Variants in REV3L observed in about 807,000 individuals in gnomAD.
REV3L encodes the protein REV3 like, DNA directed polymerase zeta catalytic subunit, also known as DNA polymerase zeta catalytic subunit.
In REV3L, 69 loss-of-function variants were observed where a neutral mutation model predicts 299.4. That is an observed-to-expected ratio of 0.23 (90% CI 0.19 to 0.28). The LOEUF (loss-of-function observed/expected upper bound fraction) is 0.28, where lower values mean the gene tolerates loss of function less well. Among genes scored for constraint, REV3L ranks in the 10% least tolerant of loss-of-function variants. REV3L has a pLI of 1.00. For missense variants in REV3L, 3,128 were observed against 3,693.8 expected (o/e 0.85, Z 3.97); for synonymous variants, 1,238 against 1,271.4 (o/e 0.97, Z 0.56).
At chr6:111,413,265 T>C (rs1051266662) in intron 2 of REV3L, among the ~76,000 whole-genome samples, 2 of 152,140 alleles carry the variant, frequency 1.3e-5, no homozygotes, top group African/African-American at 4.8e-5. Flanking sequence ...GCCAAAAGAA[T>C]TCCTCATCAG....
intron 13 of REV3L, among the ~76,000 whole-genome samples, chr6:111,371,566 T>A (rs957200407): frequency 4.6e-5 from 7 of 151,480 alleles, no homozygotes; most frequent in Non-Finnish European, 8.8e-5. Context: ...ATCTTTTTTT[T>A]TTTTTTTTTC....
At chr6:111,320,566 TTG>T (rs1167295640) in intron 26 of REV3L, among the ~76,000 whole-genome samples, 1 of 152,242 alleles carries the variant, frequency 6.6e-6, no homozygotes, top group Non-Finnish European at 1.5e-5. Flanking sequence ...ACTGACTTTT[TTG>T]TGTCCTCCTT....
intron 23 of REV3L, among the ~76,000 whole-genome samples, chr6:111,332,220 T>C (rs760422897): frequency 3.2e-4 from 48 of 152,122 alleles, no homozygotes; most frequent in East Asian, 2.7e-3. Context: ...TACAGGTGCC[T>C]GCCACCATAC....
chr6:111,307,183 AAAC>A (rs1416833532), intron 31 of REV3L, among the ~76,000 whole-genome samples, 175 bp downstream of exon 31: 1 of 152,198 alleles, frequency 6.6e-6, no homozygotes, highest in South Asian at 2.1e-4. Context: ...ATAAATTATA[AAAC>A]AAACCATTAT....
chr6:111,392,891 T>C lies in REV3L; in HGVS notation c.647A>G (p.Gln216Arg). Residue 216 changes from glutamine to arginine, a missense_variant, in exon 5 of 32, where the codon CAA becomes CGA. Around this residue, in one of 9 missense-constraint regions of REV3L, gnomAD observed 2,409 missense variants for 2,611.8 expected, o/e 0.92. Transcript: ENST00000368802. ...SLADTLFRWE[Q>R]DEIPSSLILE... ...ATTAACTAACCTTGGTATTTCATCTTGTTCCCACCGAAATAAAGTATCAGC... is the reference window on the plus strand; with the variant it reads ...ATTAACTAACCTTGGTATTTCATCTCGTTCCCACCGAAATAAAGTATCAGC... 1 of 1,609,306 alleles carries C rather than the reference T, an allele frequency of 6.2e-7. No homozygotes were observed. The highest frequency in any genetic ancestry group is 8.5e-7 in the Non-Finnish European group (1 of 1,175,724).
At chr6:111,402,707 A>C (rs1247565304) in intron 4 of REV3L, among the ~76,000 whole-genome samples, 2 of 152,178 alleles carry the variant, frequency 1.3e-5, no homozygotes, top group Non-Finnish European at 2.9e-5. Context: ...GTTAAACCAA[A>C]AGTGAACTAA....
At chr6:111,446,912 T>C (rs913733928) in intron 1 of REV3L, among the ~76,000 whole-genome samples, 1 of 152,182 alleles carries the variant, frequency 6.6e-6, no homozygotes, top group Non-Finnish European at 1.5e-5. Flanking sequence ...TAGCAGAGAC[T>C]TGAAGGATGA....
intron 20 of REV3L, among the ~76,000 whole-genome samples, chr6:111,348,525 T>C (rs577211441): frequency 6.6e-6 from 1 of 152,336 alleles, no homozygotes; most frequent in East Asian, 1.9e-4. Flanking sequence ...TTCCTATTTC[T>C]AGACTAAATT....
chr6:111,409,461 C>T (rs920630670), intron 3 of REV3L, among the ~76,000 whole-genome samples: 1 of 151,498 alleles, frequency 6.6e-6, no homozygotes, highest in Non-Finnish European at 1.5e-5. Flanking sequence ...GATTAACCCA[C>T]TATCAATGAA....
chr6:111,332,879 C>T (rs897899284), intron 23 of REV3L, among the ~76,000 whole-genome samples: 2 of 152,142 alleles, frequency 1.3e-5, no homozygotes, highest in East Asian at 3.9e-4. Flanking sequence ...TGGAGTGAAA[C>T]AGTTGCAAGG....
At chr6:111,336,521 CAG>C (rs1340093922) in intron 21 of REV3L, among the ~76,000 whole-genome samples, 1 of 151,964 alleles carries the variant, frequency 6.6e-6, no homozygotes, top group African/African-American at 2.4e-5. Context: ...AAGATAATAA[CAG>C]TATATTACCA....
At chr6:111,387,527 G>T (rs1231666121) in intron 9 of REV3L, among the ~76,000 whole-genome samples, 3 of 152,074 alleles carry the variant, frequency 2.0e-5, no homozygotes, top group Admixed American at 2.0e-4. Flanking sequence ...TGGTATATAT[G>T]GTGGGCAAAC....
At chr6:111,399,840 C>A (rs1782908240) in intron 4 of REV3L, among the ~76,000 whole-genome samples, 1 of 152,146 alleles carries the variant, frequency 6.6e-6, no homozygotes, top group Non-Finnish European at 1.5e-5. Flanking sequence ...AATGAATAGT[C>A]ATGTAACCAC....
Position 111,376,421 on chromosome 6 carries a change from C to T in REV3L, c.1934G>A (p.Ser645Asn). The T allele has an allele frequency of 6.2e-7, 1 of 1,613,498 alleles. No homozygotes were observed. The highest frequency in any genetic ancestry group is 8.5e-7 in the Non-Finnish European group (1 of 1,179,630). Reference sequence around the variant, plus strand: ...AGATACTGGGAGGATCTCTTTCTTACTATTCTCTTTATGAGAATTTTCTGA... The same window carrying T: ...AGATACTGGGAGGATCTCTTTCTTATTATTCTCTTTATGAGAATTTTCTGA... ...VHSENSHKENSKKEILPVSSC... is the reference protein window; with the variant it reads ...VHSENSHKENNKKEILPVSSC... Residue 645 changes from serine to asparagine, a missense_variant, in exon 13 of 32, where the codon AGT becomes AAT. Physicochemically the swap from Ser to Asn is conservative, Grantham distance 46. Transcript: ENST00000368802.
intron 1 of REV3L, among the ~76,000 whole-genome samples, chr6:111,448,622 G>A (rs1039817686): frequency 2.0e-5 from 3 of 151,600 alleles, no homozygotes; most frequent in Admixed American, 1.3e-4. Context: ...ACTGTGCCTG[G>A]CCATTTTCTT....
At chr6:111,380,686 T>C (rs1780745241) in intron 10 of REV3L, among the ~76,000 whole-genome samples, 1 of 152,260 alleles carries the variant, frequency 6.6e-6, no homozygotes, top group African/African-American at 2.4e-5. Context: ...CCTATCAAAG[T>C]TGATCCTTGG....
rs754696065 is a variant in REV3L at position 111,372,920 on chromosome 6, T to A, written c.5435A>T (p.Asp1812Val). Residue 1812 changes from aspartate to valine, a missense_variant, in exon 13 of 32, where the codon GAC (aspartate) becomes GTC (valine). Asp to Val is a radical substitution (Grantham distance 152). Coordinates refer to ENST00000368802, the MANE Select transcript of REV3L (RefSeq NM_001372078.1). ...HTRKEMGQSLDSANTSFTAIL... is the reference protein window; with the variant it reads ...HTRKEMGQSLVSANTSFTAIL... Reference sequence around the variant, plus strand: ...TGCAGTAAAAGAGGTATTGGCTGAGTCAAGAGACTGTCCCATTTCTTTTCT... The same window carrying A: ...TGCAGTAAAAGAGGTATTGGCTGAGACAAGAGACTGTCCCATTTCTTTTCT... 6.2e-7 allele frequency: 1 copy of A among 1,614,036 alleles called. No homozygotes were observed. The highest frequency in any genetic ancestry group is 8.5e-7 in the Non-Finnish European group (1 of 1,179,988).
chr6:111,350,423 T>G (rs1268999132), intron 19 of REV3L, among the ~76,000 whole-genome samples: 2 of 151,610 alleles, frequency 1.3e-5, no homozygotes, highest in Non-Finnish European at 2.9e-5. Flanking sequence ...ATCCCTATTT[T>G]ACAGATGAAT....
At chr6:111,463,902 T>TAATACCTCTGTTCATCTACTCTA (rs1203514612) in intron 1 of REV3L, among the ~76,000 whole-genome samples, 36 of 152,246 alleles carry the variant, frequency 2.4e-4, no homozygotes, top group Middle Eastern at 3.4e-3. Context: ...CTAAGACATG[T>TAATACCTCTGTTCATCTACTCTA]AATACCTCTG....
Sources: gnomAD v4.1 joint callset for allele counts (sites outside exome capture counted in the v4.1 genomes callset) on GRCh38, gnomAD v4.1.1 for gene constraint, gnomAD v4.1.1 regional missense constraint, MANE v1.5 for transcripts, NCBI Gene and HGNC (gene_info 2026-07-23, HGNC 2026-07-21) for gene names.